The following PSKH2 variants were observed in gnomAD, a reference collection of about 807,000 sequenced individuals.
PSKH2 encodes the protein serine/threonine-protein kinase H2.
PSKH2 carries 16 observed loss-of-function variants against 22.5 expected under a neutral mutation model. The observed-to-expected ratio is 0.71, with a 90% CI of 0.48 to 1.08. The LOEUF (loss-of-function observed/expected upper bound fraction) is 1.08. Among genes scored for constraint, PSKH2 ranks in the 50% least tolerant of loss-of-function variants. The pLI, the probability that PSKH2 is intolerant of heterozygous loss-of-function variation, is 0.00. For missense variants in PSKH2, 516 were observed against 492.8 expected (o/e 1.05, Z -0.44); for synonymous variants, 188 against 184.8 (o/e 1.02, Z -0.14).
At chr8:86,068,763 G>A (rs1010942243) in intron 1 of PSKH2, among the ~76,000 whole-genome samples, 1 of 152,102 alleles carries the variant, frequency 6.6e-6, no homozygotes, top group Admixed American at 6.5e-5. Context: ...GCAGGACCCA[G>A]CCCCAGGATA....
At chr8:86,050,416 C>T (rs1817614045) in intron 2 of PSKH2, among the ~76,000 whole-genome samples, 1 of 152,164 alleles carries the variant, frequency 6.6e-6, no homozygotes, top group Non-Finnish European at 1.5e-5. Context: ...ACTCATACCC[C>T]ACAGTTCAAC....
In PSKH2 at chr8:86,064,209, G is replaced by A; in HGVS notation, c.608C>T (p.Thr203Ile). ...HPGEESKILI[T>I]DFGLAYSGKK... ...CCCGGAGTATGCCAAACCAAAATCT[G>A]TAATTAAAATTTTCGACTCTTCACC... The change falls in exon 2 of 3, where the codon ACA (threonine) becomes ATA (isoleucine). Residue 203 changes from threonine (T) to isoleucine (I), a missense_variant. Coordinates refer to ENST00000276616, the MANE Select transcript of PSKH2 (RefSeq NM_033126.3). 1 of 1,614,046 alleles carries A rather than the reference G, an allele frequency of 6.2e-7. No homozygotes were observed. Among genetic ancestry groups the A allele is most frequent in the South Asian group, 1.1e-5 (1 of 91,070 alleles).
At chr8:86,050,070 A>C (rs1489957016) in intron 2 of PSKH2, among the ~76,000 whole-genome samples, 1 of 152,234 alleles carries the variant, frequency 6.6e-6, no homozygotes, top group African/African-American at 2.4e-5. Flanking sequence ...TTCCTATTTC[A>C]GGGATTTATA....
chr8:86,052,731 A>G (rs796498934), intron 2 of PSKH2, among the ~76,000 whole-genome samples: 2 of 152,212 alleles, frequency 1.3e-5, no homozygotes, highest in Non-Finnish European at 2.9e-5. Context: ...CCCTCAAAAA[A>G]AAGTTATGTG....
intron 1 of PSKH2, among the ~76,000 whole-genome samples, chr8:86,066,776 C>T (rs1241742923): frequency 6.6e-6 from 1 of 151,870 alleles, no homozygotes; most frequent in Non-Finnish European, 1.5e-5. Flanking sequence ...CAGCTTTGTT[C>T]TCCACAGAGC....
chr8:86,055,246 A>G (rs759289770), intron 2 of PSKH2, among the ~76,000 whole-genome samples: 24 of 152,160 alleles, frequency 1.6e-4, no homozygotes, highest in Admixed American at 4.6e-4. Context: ...CAAGGTCAAG[A>G]TACAACCTAA....
At chr8:86,051,194 C>CA (rs1817625416) in intron 2 of PSKH2, among the ~76,000 whole-genome samples, 3 of 151,800 alleles carry the variant, frequency 2.0e-5, no homozygotes, top group Admixed American at 2.0e-4. Context: ...CTCTCCCATG[C>CA]TGGGAGAGTG....
intron 2 of PSKH2, among the ~76,000 whole-genome samples, chr8:86,059,510 T>C (rs931929497): frequency 6.6e-6 from 1 of 152,166 alleles, no homozygotes; most frequent in African/African-American, 2.4e-5. Context: ...CCTTGCCTCA[T>C]GACCCCTCTC....
chr8:86,047,633 A>T lies in PSKH2; in HGVS notation c.*829T>A, dbSNP rs1372947916. The stretch of plus-strand genomic sequence containing the variant: ...CATATAAGAGATCAGGCCATATGTG[A>T]CTTGCCTAGAGAACTAAGTTTTGAA... On this transcript the variant is annotated 3_prime_UTR_variant, in exon 3 of 3. Transcript: ENST00000276616. Among the ~76,000 whole-genome samples the T allele has an allele frequency of 6.6e-6, 1 of 152,138 alleles. No individual in the cohort carries two copies. The highest frequency in any genetic ancestry group is 1.9e-4 in the East Asian group (1 of 5,206).
At position 86,048,199 on chromosome 8, in the gene PSKH2, A is replaced by G. The variant is rs73255216; in HGVS notation, c.*263T>C. Reference sequence around the variant, plus strand: ...TTGTATTTTATTTAATCCATTACATACTTTAAAGATTTTCTTATCTATTTA... The same window carrying G: ...TTGTATTTTATTTAATCCATTACATGCTTTAAAGATTTTCTTATCTATTTA... On this transcript the variant is annotated 3_prime_UTR_variant, in exon 3 of 3. Coordinates refer to ENST00000276616, the MANE Select transcript of PSKH2 (RefSeq NM_033126.3). Among the ~76,000 whole-genome samples the G allele has an allele frequency of 1.0e-3, 158 of 152,302 alleles. No individual in the cohort carries two copies. Among genetic ancestry groups the G allele is most frequent in the African/African-American group, 3.6e-3 (151 of 41,572 alleles).
intron 2 of PSKH2, among the ~76,000 whole-genome samples, chr8:86,062,419 A>G (rs79035584): frequency 2.3e-4 from 35 of 152,276 alleles, no homozygotes; most frequent in African/African-American, 7.0e-4. Context: ...AAAGTTCTTG[A>G]TATGGTTTGG....
intron 2 of PSKH2, among the ~76,000 whole-genome samples, chr8:86,058,034 G>T (rs780508402): frequency 3.9e-5 from 6 of 152,172 alleles, no homozygotes; most frequent in African/African-American, 4.8e-5. Flanking sequence ...AGAAGGAAGG[G>T]GTGAAGACCA....
At chr8:86,067,845 C>T (rs10100753) in intron 1 of PSKH2, among the ~76,000 whole-genome samples, 129,475 of 152,210 alleles carry the variant, frequency 0.85, 55,351 homozygotes, top group African/African-American at 0.9. Context: ...AATTCTACCA[C>T]TAACTTGGAC....
intron 2 of PSKH2, among the ~76,000 whole-genome samples, chr8:86,052,277 C>T (rs7830744): frequency 0.29 from 44,820 of 151,970 alleles, 7,787 homozygotes; most frequent in East Asian, 0.49. Context: ...CTCCCAAATT[C>T]GGCCACCCCC....
intron 2 of PSKH2, among the ~76,000 whole-genome samples, chr8:86,062,470 C>A (rs1817793608): frequency 6.6e-6 from 1 of 152,258 alleles, no homozygotes; most frequent in Non-Finnish European, 1.5e-5. Context: ...ATTGTAATCC[C>A]TGTAGTCCCC....
Position 86,047,841 on chromosome 8 carries a change from A to G in PSKH2, c.*621T>C, listed in dbSNP as rs1363577818. Among the ~76,000 whole-genome samples the G allele has an allele frequency of 1.7e-5, 1 of 58,866 alleles. No individual in the cohort carries two copies. The highest frequency in any genetic ancestry group is 6.8e-5 in the African/African-American group (1 of 14,774). The allele number at this position is 58,866 out of a possible 152,430, so 38.6% of individuals were successfully genotyped here. A position where few individuals can be genotyped will look rare whatever the true frequency, so the allele number is the denominator to read the frequency against. On this transcript the variant is annotated 3_prime_UTR_variant, in exon 3 of 3. Coordinates refer to ENST00000276616, the MANE Select transcript of PSKH2 (RefSeq NM_033126.3). ...GGTGGTTGATGAATGCTAACATTAGAAAAAAATCACTATTTTATGATTCTT... is the reference window on the plus strand; with the variant it reads ...GGTGGTTGATGAATGCTAACATTAGGAAAAAATCACTATTTTATGATTCTT...
chr8:86,063,433 C>T (rs371492210), intron 2 of PSKH2, among the ~76,000 whole-genome samples: 9 of 152,298 alleles, frequency 5.9e-5, no homozygotes, highest in Admixed American at 1.3e-4. Flanking sequence ...CAAGTTTAAT[C>T]AGTGGATAAA....
chr8:86,050,329 C>T (rs539656112), intron 2 of PSKH2, among the ~76,000 whole-genome samples: 79 of 152,180 alleles, frequency 5.2e-4, no homozygotes, highest in Non-Finnish European at 9.0e-4. Flanking sequence ...ATAATTACCT[C>T]TTGAAGCCAC....
rs1817586661 is a variant in PSKH2, at chr8:86,049,690, GAAAGAAAGAAAGAAAGAAAGAAAGA to G, written c.853-948_853-924del. On this transcript the variant is annotated intron_variant, in intron 2 of 2. Coordinates refer to ENST00000276616, the MANE Select transcript of PSKH2 (RefSeq NM_033126.3). ...GAGTGAGAAAGAAGAAAGAAAGAAA[GAAAGAAAGAAAGAAAGAAAGAAAGA>G]AAGAAAGAAAGAAAGAAAGAAAGAA... Among the ~76,000 whole-genome samples the G allele has an allele frequency of 9.7e-4, 11 of 11,346 alleles. No individual in the cohort carries two copies. In the East Asian group the frequency reaches 0.029, roughly 30 times the overall value. The allele number at this position is 11,346 out of a possible 152,430, so 7.4% of individuals were successfully genotyped here. A position where few individuals can be genotyped will look rare whatever the true frequency, so the allele number is the denominator to read the frequency against.
Sources: gnomAD v4.1 joint callset for allele counts (sites outside exome capture counted in the v4.1 genomes callset) on GRCh38, gnomAD v4.1.1 for gene constraint, MANE v1.5 for transcripts, NCBI Gene and HGNC (gene_info 2026-07-23, HGNC 2026-07-21) for gene names.